Variants in SASH1 observed in about 807,000 individuals in gnomAD.
SASH1 encodes the protein SAM and SH3 domain containing 1, also known as SAM and SH3 domain-containing protein 1.
In SASH1, 44 loss-of-function variants were observed where a neutral mutation model predicts 125.2. The observed-to-expected ratio is 0.35, with a 90% CI of 0.28 to 0.45. The LOEUF is 0.45. SASH1 is among the 20% of genes least tolerant of loss of function. SASH1 has a pLI of 1.00. For synonymous variants in SASH1, 639 were observed against 649.1 expected (o/e 0.98, Z 0.24); for missense variants, 1,426 against 1,614.5 (o/e 0.88, Z 2.00).
At chr6:148,244,743 C>T in the SASH1 span, among the ~76,000 whole-genome samples, 2 of 152,194 alleles carry the variant, frequency 1.3e-5, no homozygotes, top group Non-Finnish European at 2.9e-5. Context: ...CACAGCTGTG[C>T]TGCCGGCCAC....
intron 2 of SASH1, among the ~76,000 whole-genome samples, chr6:148,422,185 C>T (rs550803575): frequency 8.5e-5 from 13 of 152,276 alleles, no homozygotes; most frequent in African/African-American, 2.6e-4. Context: ...ATTTGTTTTG[C>T]AGACAGGGCT....
intron 2 of SASH1, among the ~76,000 whole-genome samples, chr6:148,393,413 C>A (rs1783816124): frequency 6.6e-6 from 1 of 152,036 alleles, no homozygotes; most frequent in Admixed American, 6.6e-5. Context: ...CTGTGGCCTC[C>A]TCAGACATTT....
intron 1 of SASH1, among the ~76,000 whole-genome samples, chr6:148,318,776 C>T (rs1380674412): frequency 6.6e-6 from 1 of 151,996 alleles, no homozygotes; most frequent in Non-Finnish European, 1.5e-5. Flanking sequence ...TGGTCTCGAT[C>T]TCTTGACCTT....
At chr6:148,233,071 C>T in the SASH1 span, among the ~76,000 whole-genome samples, 6 of 151,824 alleles carry the variant, frequency 4.0e-5, no homozygotes, top group Admixed American at 6.6e-5. Context: ...CACAATTAGC[C>T]GGCGTGGTGG....
At chr6:148,344,410 T>C (rs1781452176) in intron 1 of SASH1, among the ~76,000 whole-genome samples, 1 of 152,212 alleles carries the variant, frequency 6.6e-6, no homozygotes, top group Non-Finnish European at 1.5e-5. Context: ...CTGCAAAGTC[T>C]CCTGTCTCTT....
chr6:148,414,478 G>C (rs1040428993), intron 2 of SASH1, among the ~76,000 whole-genome samples: 1 of 152,088 alleles, frequency 6.6e-6, no homozygotes, highest in Non-Finnish European at 1.5e-5. Flanking sequence ...TTCTCTTTCT[G>C]TAAGGAGATA....
the SASH1 span, among the ~76,000 whole-genome samples, chr6:148,228,311 T>C: frequency 1.2e-4 from 19 of 152,346 alleles, no homozygotes; most frequent in Middle Eastern, 3.4e-3. Context: ...TACTTATCCG[T>C]TATTTCTAAT....
intron 7 of SASH1, among the ~76,000 whole-genome samples, chr6:148,481,813 A>G (rs1489250202): frequency 6.6e-6 from 1 of 152,228 alleles, no homozygotes; most frequent in Non-Finnish European, 1.5e-5. Context: ...AGTTTGAAAT[A>G]CTGTAGGAAT....
intron 1 of SASH1, among the ~76,000 whole-genome samples, chr6:148,319,998 A>T (rs1475410946): frequency 1.3e-5 from 2 of 152,038 alleles, no homozygotes; most frequent in African/African-American, 2.4e-5. Flanking sequence ...TGTTGAAGTC[A>T]CCCTTATTTT....
chr6:148,317,471 CTGGAGTGCAA>C (rs1780509882), intron 1 of SASH1, among the ~76,000 whole-genome samples: 1 of 152,250 alleles, frequency 6.6e-6, no homozygotes, highest in Non-Finnish European at 1.5e-5. Flanking sequence ...GTTGCCAAGG[CTGGAGTGCAA>C]TGGCACGACC....
intron 2 of SASH1, among the ~76,000 whole-genome samples, chr6:148,430,328 T>C (rs1776011000): frequency 6.6e-6 from 1 of 152,152 alleles, no homozygotes; most frequent in Non-Finnish European, 1.5e-5. Flanking sequence ...CCATGAAAGA[T>C]TTTGTGGATT....
In SASH1 at chr6:148,293,374, T is replaced by C. The variant is rs138003759; in HGVS notation, n.74+20997T>C. Among the ~76,000 whole-genome samples the C allele has an allele frequency of 1.4e-4, 21 of 152,322 alleles. No individual in the cohort carries two copies. The South Asian group carries it at 2.3e-3, about 17-fold the overall frequency. On this transcript the variant is annotated intron_variant and non_coding_transcript_variant, in intron 1 of 3. Coordinates refer to the SASH1 transcript ENST00000367469. Reference sequence around the variant, plus strand: ...CCGATTGGTTTGCAGTTCTGTCAGATACATGCCTGGGGTGAGGAAGTGTCC... The same window carrying C: ...CCGATTGGTTTGCAGTTCTGTCAGACACATGCCTGGGGTGAGGAAGTGTCC...
At chr6:148,541,707 G>C (rs1320712740) in intron 17 of SASH1, among the ~76,000 whole-genome samples, 3 of 152,146 alleles carry the variant, frequency 2.0e-5, no homozygotes, top group African/African-American at 4.8e-5. Flanking sequence ...TACCAGCCCT[G>C]CACTCACATG....
At chr6:148,403,985 A>G (rs1001941874) in intron 2 of SASH1, among the ~76,000 whole-genome samples, 18 of 152,210 alleles carry the variant, frequency 1.2e-4, no homozygotes, top group African/African-American at 3.9e-4. Context: ...TCACCTTTCT[A>G]TAGTGAGTAT....
chr6:148,382,119 G>A (rs1204064165), intron 1 of SASH1, among the ~76,000 whole-genome samples: 2 of 139,842 alleles, frequency 1.4e-5, no homozygotes, highest in African/African-American at 5.1e-5. Context: ...AAGTGAATCA[G>A]CAGCATATTT....
intron 2 of SASH1, among the ~76,000 whole-genome samples, chr6:148,421,111 G>A (rs1185775155): frequency 1.6e-5 from 2 of 123,360 alleles, no homozygotes; most frequent in South Asian, 2.7e-4. Context: ...AGAAAAGAAA[G>A]GAAAAGAAAG....
intron 1 of SASH1, among the ~76,000 whole-genome samples, chr6:148,336,714 A>G (rs538043443): frequency 3.3e-5 from 5 of 152,320 alleles, no homozygotes; most frequent in South Asian, 2.1e-4. Context: ...TTGATCTCCT[A>G]TGAAAGTTCC....
intron 4 of SASH1, among the ~76,000 whole-genome samples, chr6:148,454,545 A>G (rs1204365277): frequency 6.6e-6 from 1 of 152,178 alleles, no homozygotes; most frequent in Non-Finnish European, 1.5e-5. Context: ...AGAGGAAGGA[A>G]GTTCCTGGTG....
At chr6:148,362,485 A>G (rs762810361) in intron 1 of SASH1, among the ~76,000 whole-genome samples, 3 of 151,338 alleles carry the variant, frequency 2.0e-5, no homozygotes, top group Admixed American at 6.6e-5. Context: ...TCCCTCCCAC[A>G]CAAGGCCTCA....
Sources: allele counts gnomAD v4.1 joint callset (sites outside exome capture counted in the v4.1 genomes callset), GRCh38; gene constraint gnomAD v4.1.1; transcripts MANE v1.5; gene names NCBI Gene and HGNC (gene_info 2026-07-23, HGNC 2026-07-21).